The following ICA1 variants were observed in gnomAD, a reference collection of about 807,000 sequenced individuals.
ICA1 encodes 69 kDa islet cell autoantigen.
A neutral mutation model predicts 71.0 loss-of-function variants in ICA1; 40 were observed. That is an observed-to-expected ratio of 0.56 (90% CI 0.44 to 0.73). ICA1 has a LOEUF of 0.73. Ranked by LOEUF, ICA1 falls within the 30% of genes least tolerant of loss-of-function variation. The probability of loss-of-function intolerance (pLI) is 0.00; values close to 1 mark genes in which losing one functional copy is unlikely to be tolerated. For synonymous variants in ICA1, 207 were observed against 209.5 expected (o/e 0.99, Z 0.10); for missense variants, 578 against 576.5 (o/e 1.00, Z -0.03).
intron 6 of ICA1, among the ~76,000 whole-genome samples, chr7:8,208,664 C>T (rs978761570): frequency 2.0e-5 from 3 of 152,068 alleles, no homozygotes; most frequent in East Asian, 1.9e-4. Context: ...ACTACAGAGG[C>T]GAGAGATAGT....
intron 13 of ICA1, among the ~76,000 whole-genome samples, chr7:8,121,090 G>C (rs1786743019): frequency 6.6e-6 from 1 of 152,230 alleles, no homozygotes; most frequent in Non-Finnish European, 1.5e-5. Flanking sequence ...GGATCTTGTA[G>C]ATGAAACCAG....
In ICA1 at chr7:8,221,298, G is replaced by A. The variant is rs770532070; in HGVS notation, c.357C>T (p.Ala119=). Residue 119 remains alanine, a synonymous_variant, in exon 5 of 14, where the codon GCC becomes GCT. Coordinates refer to ENST00000402384, the MANE Select transcript of ICA1 (RefSeq NM_001136020.3). ...AGKMMQATGK[A]LCFSSQQRLA... Reference sequence around the variant, plus strand: ...ACCTTTGCTGGGAAGAAAAGCAGAGGGCCTTTCCTGTCGCTTGCATCATCT... The same window carrying A: ...ACCTTTGCTGGGAAGAAAAGCAGAGAGCCTTTCCTGTCGCTTGCATCATCT... 4.3e-6 allele frequency: 7 copies of A among 1,613,640 alleles called. No individual in the cohort carries two copies. The South Asian group carries it at 7.7e-5, about 18-fold the overall frequency.
chr7:8,225,694 C>T (rs1038980325), intron 4 of ICA1, among the ~76,000 whole-genome samples: 1 of 152,192 alleles, frequency 6.6e-6, no homozygotes, highest in Non-Finnish European at 1.5e-5. Context: ...CTGTATGTAT[C>T]TATCTGTATA....
chr7:8,156,569 T>G, intron 8 of ICA1: 1 of 287,998 alleles, frequency 3.5e-6, no homozygotes, highest in East Asian at 7.5e-5. Flanking sequence ...AGATGAAAAA[T>G]CATTGAGTTT....
chr7:8,262,493 C>G (rs911763220), upstream of ICA1: 1 of 152,212 alleles, frequency 6.6e-6, no homozygotes, highest in Non-Finnish European at 1.5e-5. Flanking sequence ...TCTCTACTCC[C>G]CGGGGTCTCT....
chr7:8,139,457 AT>A (rs1201270820), intron 10 of ICA1, among the ~76,000 whole-genome samples: 2 of 152,188 alleles, frequency 1.3e-5, no homozygotes, highest in African/African-American at 4.8e-5. Flanking sequence ...ATTATATGAC[AT>A]TTTGGAAAAG....
chr7:8,144,177 C>G lies in ICA1; in HGVS notation c.805-205G>C, dbSNP rs1486718774. 1.3e-5 allele frequency among the ~76,000 whole-genome samples: 2 copies of G among 152,142 alleles called. No homozygotes were observed. The highest frequency in any genetic ancestry group is 2.9e-5 in the Non-Finnish European group (2 of 68,028). The stretch of plus-strand genomic sequence containing the variant: ...TTATATGGTGAAGCAACAATGTTCT[C>G]AGACACATCCGAGAAATACTAGCAT... On this transcript the variant is annotated intron_variant, in intron 8 of 13. Transcript: ENST00000402384. The surrounding 1 kb of genome is among the most constrained non-coding windows in gnomAD (Gnocchi z 4.5).
At chr7:8,227,839 G>A (rs1385686157) in intron 4 of ICA1, 1 of 448,180 alleles carries the variant, frequency 2.2e-6, no homozygotes, top group Non-Finnish European at 4.5e-6. Flanking sequence ...TCCTGCCTTG[G>A]CCTCCTAAAA....
At chr7:8,119,425 A>G (rs1785951430) in intron 13 of ICA1, among the ~76,000 whole-genome samples, 1 of 152,230 alleles carries the variant, frequency 6.6e-6, no homozygotes, top group Admixed American at 6.5e-5. Context: ...TATGACATGA[A>G]CGCATTCCTA....
intron 12 of ICA1, among the ~76,000 whole-genome samples, chr7:8,136,308 G>T (rs913115997): frequency 6.6e-6 from 1 of 152,216 alleles, no homozygotes; most frequent in East Asian, 1.9e-4. Flanking sequence ...AGAGCTTATC[G>T]TCCCCAAGTC....
chr7:8,188,127 G>C (rs1253240075), intron 6 of ICA1, among the ~76,000 whole-genome samples: 1 of 152,164 alleles, frequency 6.6e-6, no homozygotes, highest in African/African-American at 2.4e-5. Context: ...AAAACTCTTA[G>C]ATAATGTTTT....
At chr7:8,206,007 C>T (rs952568077) in intron 6 of ICA1, among the ~76,000 whole-genome samples, 2 of 152,146 alleles carry the variant, frequency 1.3e-5, no homozygotes, top group South Asian at 2.1e-4. Flanking sequence ...GCCTCTCTCC[C>T]CCTCCCCCTT....
At chr7:8,227,621 T>TTTTTG in intron 4 of ICA1, 1 of 393,726 alleles carries the variant, frequency 2.5e-6, no homozygotes, top group Non-Finnish European at 4.9e-6. Flanking sequence ...TTTTTTTTTT[T>TTTTTG]TTCTAAGAGA....
chr7:8,165,994 C>T (rs898670934), intron 6 of ICA1, among the ~76,000 whole-genome samples: 6 of 152,122 alleles, frequency 3.9e-5, no homozygotes, highest in South Asian at 2.1e-4. Flanking sequence ...CAATGCCATT[C>T]GTTACAGAAG....
chr7:8,237,833 C>CACACACACACAA (rs1554373618), intron 1 of ICA1, among the ~76,000 whole-genome samples: 21 of 151,488 alleles, frequency 1.4e-4, no homozygotes, highest in South Asian at 6.2e-4. Flanking sequence ...CACACACACA[C>CACACACACACAA]ACACACACAC....
At chr7:8,227,761 T>G (rs1230422325) in intron 4 of ICA1, 1 of 412,942 alleles carries the variant, frequency 2.4e-6, no homozygotes, top group Non-Finnish European at 4.8e-6. Context: ...GTGTTTTTAT[T>G]TTTTGTAGAG....
intron 1 of ICA1, among the ~76,000 whole-genome samples, chr7:8,258,575 A>C (rs1161763268): frequency 6.6e-6 from 1 of 152,194 alleles, no homozygotes; most frequent in Admixed American, 6.5e-5. Flanking sequence ...ATAATGATTT[A>C]TATTCATTTC....
rs73674896 is a variant in ICA1 at position 8,173,513 on chromosome 7, T to C, written c.580-14861A>G. ...AATGCTAATGAACCAATTCAATATT[T>C]TGACAAAGAAAAAGAAACAAACATT... is the stretch of plus-strand genomic sequence containing the variant. On this transcript the variant is annotated intron_variant, in intron 6 of 13. Transcript: ENST00000402384. The surrounding 1 kb of genome is among the most constrained non-coding windows in gnomAD (Gnocchi z 4.0). Among the ~76,000 whole-genome samples the C allele has an allele frequency of 6.6e-6, 1 of 152,134 alleles. No homozygotes were observed. Among genetic ancestry groups the C allele is most frequent in the Non-Finnish European group, 1.5e-5 (1 of 68,026 alleles).
chr7:8,114,346 T>C (rs949655617), intron 13 of ICA1, among the ~76,000 whole-genome samples: 1 of 152,136 alleles, frequency 6.6e-6, no homozygotes, highest in African/African-American at 2.4e-5. Flanking sequence ...CCTCGGGCCC[T>C]GCCACTTCAC....
Sources: gnomAD v4.1 joint callset for allele counts (sites outside exome capture counted in the v4.1 genomes callset) on GRCh38, gnomAD v4.1.1 for gene constraint, Gnocchi (gnomAD v3.1) non-coding constraint, MANE v1.5 for transcripts, NCBI Gene and HGNC (gene_info 2026-07-23, HGNC 2026-07-21) for gene names.